ARHGAP15: variants seen among roughly 807,000 people sequenced by gnomAD.
The protein encoded by ARHGAP15 is Rho GTPase activating protein 15.
A neutral mutation model predicts 63.7 loss-of-function variants in ARHGAP15; 51 were observed. The ratio of observed to expected loss-of-function variants is 0.80; its 90% CI spans 0.64 to 1.01. The LOEUF is 1.01. Among genes scored for constraint, ARHGAP15 ranks in the 50% least tolerant of loss-of-function variants. The probability of loss-of-function intolerance (pLI) is 0.00; values close to 1 mark genes in which losing one functional copy is unlikely to be tolerated. For missense variants in ARHGAP15, 560 were observed against 564.6 expected (o/e 0.99, Z 0.08); for synonymous variants, 191 against 193.8 (o/e 0.99, Z 0.12).
At chr2:143,336,554 C>G (rs911811170) in intron 6 of ARHGAP15, among the ~76,000 whole-genome samples, 13 of 115,192 alleles carry the variant, frequency 1.1e-4, no homozygotes, top group Non-Finnish European at 2.1e-4. Flanking sequence ...GAATCCTTTG[C>G]CCATGGATTC....
At chr2:143,248,136 G>A (rs1399437052) in intron 5 of ARHGAP15, among the ~76,000 whole-genome samples, 1 of 152,132 alleles carries the variant, frequency 6.6e-6, no homozygotes, top group Non-Finnish European at 1.5e-5. Flanking sequence ...TAGGAGGAGG[G>A]CTGCAGTGAA....
intron 10 of ARHGAP15, among the ~76,000 whole-genome samples, chr2:143,537,561 T>G (rs1266928125): frequency 6.6e-6 from 1 of 152,232 alleles, no homozygotes; most frequent in Non-Finnish European, 1.5e-5. Flanking sequence ...TTGTATAAAG[T>G]GTAAGGAGGG....
At chr2:143,388,955 T>C (rs1243492536) in intron 6 of ARHGAP15, among the ~76,000 whole-genome samples, 4 of 151,896 alleles carry the variant, frequency 2.6e-5, no homozygotes, top group Non-Finnish European at 5.9e-5. Context: ...TAATTTTTTT[T>C]TAATTTGGTA....
In ARHGAP15 at chr2:143,404,205, A is replaced by G. The variant is rs146756462; in HGVS notation, c.475-31396A>G. Among the ~76,000 whole-genome samples the G allele has an allele frequency of 2.0e-3, 302 of 152,020 alleles. 2 individuals are homozygous for G. The highest frequency in any genetic ancestry group is 7.0e-3 in the African/African-American group (291 of 41,542). Reference sequence around the variant, plus strand: ...CTGAACCTTGAAGGACAAGGGAAACATAAGTGATCATATACTGCAGGCAAA... The same window carrying G: ...CTGAACCTTGAAGGACAAGGGAAACGTAAGTGATCATATACTGCAGGCAAA... On this transcript the variant is annotated intron_variant, in intron 6 of 13. Coordinates refer to ENST00000295095, the MANE Select transcript of ARHGAP15 (RefSeq NM_018460.4).
At chr2:143,320,360 A>C (rs1376199659) in intron 6 of ARHGAP15, among the ~76,000 whole-genome samples, 1 of 144,240 alleles carries the variant, frequency 6.9e-6, no homozygotes, top group Non-Finnish European at 1.5e-5. Flanking sequence ...CGCAATGGGA[A>C]TATTCACAGT....
At position 143,445,982 on chromosome 2, in the gene ARHGAP15, AGCCC is replaced by A. The variant is rs1574461024; in HGVS notation, c.703+8941_703+8944del. Among the ~76,000 whole-genome samples, 5 of 152,126 alleles carry A rather than the reference AGCCC, an allele frequency of 3.3e-5. No individual in the cohort carries two copies. In the East Asian group the frequency reaches 9.6e-4, roughly 29 times the overall value. On this transcript the variant is annotated intron_variant, in intron 8 of 13. Transcript: ENST00000295095. ...TTAACACAAAAGTTATCAAAGTGTT[AGCCC>A]TCAGAACCCTGTTCAAAAGGTTGTA...
At chr2:143,133,759 A>G (rs1486130021) in intron 1 of ARHGAP15, among the ~76,000 whole-genome samples, 1 of 152,056 alleles carries the variant, frequency 6.6e-6, no homozygotes, top group Non-Finnish European at 1.5e-5. Context: ...ATTTCTATCT[A>G]TCCCATTTAT....
intron 6 of ARHGAP15, among the ~76,000 whole-genome samples, chr2:143,403,703 G>A: frequency 6.6e-6 from 1 of 151,978 alleles, no homozygotes; most frequent in South Asian, 2.1e-4. Context: ...GCAGTCAAGG[G>A]AAGAGTGCAT....
intron 6 of ARHGAP15, among the ~76,000 whole-genome samples, chr2:143,373,743 A>G (rs1686681157): frequency 6.6e-6 from 1 of 152,028 alleles, no homozygotes; most frequent in East Asian, 1.9e-4. Flanking sequence ...GTCTCAGAGA[A>G]GCACATCAAA....
chr2:143,287,132 C>T lies in ARHGAP15; in HGVS notation c.474+36532C>T, dbSNP rs144766717. Among the ~76,000 whole-genome samples, 1,022 of 152,124 alleles carry T rather than the reference C, an allele frequency of 6.7e-3. 5 individuals carry two copies. Among genetic ancestry groups the T allele is most frequent in the Middle Eastern group, 0.037 (11 of 294 alleles). ...GTATAATTCTGTTTCTGTTTCTTGG[C>T]GTAAACTTATTCCATATATATTCAT... On this transcript the variant is annotated intron_variant, in intron 6 of 13. Transcript: ENST00000295095.
At chr2:143,266,297 T>C (rs1200205807) in intron 6 of ARHGAP15, among the ~76,000 whole-genome samples, 1 of 152,120 alleles carries the variant, frequency 6.6e-6, no homozygotes, top group African/African-American at 2.4e-5. Context: ...CAAAATTAAT[T>C]TTTTCAATAT....
intron 1 of ARHGAP15, among the ~76,000 whole-genome samples, chr2:143,141,812 G>A (rs1018323737): frequency 5.9e-5 from 9 of 152,074 alleles, no homozygotes; most frequent in Non-Finnish European, 7.4e-5. Flanking sequence ...TTAATAGGCA[G>A]CACAATCACC....
chr2:143,307,368 G>T (rs759052917), intron 6 of ARHGAP15, among the ~76,000 whole-genome samples: 2 of 152,050 alleles, frequency 1.3e-5, no homozygotes, highest in Non-Finnish European at 2.9e-5. Flanking sequence ...TATGCCAAGG[G>T]GTTATAATTT....
intron 12 of ARHGAP15, among the ~76,000 whole-genome samples, chr2:143,685,231 T>C (rs1683279335): frequency 6.6e-6 from 1 of 152,054 alleles, no homozygotes; most frequent in African/African-American, 2.4e-5. Flanking sequence ...TTGAAGTAAG[T>C]TTTAATTAGA....
rs567528598 is a variant in ARHGAP15 at position 143,141,435 on chromosome 2, G to A, written c.-15+11969G>A. Among the ~76,000 whole-genome samples, 6 of 152,146 alleles carry A rather than the reference G, an allele frequency of 3.9e-5. No individual in the cohort carries two copies. In the East Asian group the frequency reaches 7.7e-4, roughly 20 times the overall value. The stretch of plus-strand genomic sequence containing the variant: ...GACAAATACAGTGTCTGACTTTAAG[G>A]AGCCCACAGTCAATTTGGGCAGAAG... On this transcript the variant is annotated intron_variant, in intron 1 of 13. Transcript: ENST00000295095.
intron 12 of ARHGAP15, among the ~76,000 whole-genome samples, chr2:143,632,282 T>C (rs927762378): frequency 1.3e-5 from 2 of 152,092 alleles, no homozygotes; most frequent in African/African-American, 4.8e-5. Context: ...CCATCACTTT[T>C]GGTGTTTTTT....
At chr2:143,617,475 C>T (rs1166250787) in intron 11 of ARHGAP15, among the ~76,000 whole-genome samples, 1 of 152,172 alleles carries the variant, frequency 6.6e-6, no homozygotes, top group Non-Finnish European at 1.5e-5. Flanking sequence ...TATAGGCAGT[C>T]AATTTCCTCC....
rs1558779622 is a variant in ARHGAP15 at position 143,153,843 on chromosome 2, T to TCTTCCTCCTCC, written c.-14-1634_-14-1633insCTTCCTCCTCC. 8.0e-3 allele frequency among the ~76,000 whole-genome samples: 693 copies of TCTTCCTCCTCC among 86,834 alleles called. 38 individuals carry two copies. Among genetic ancestry groups the TCTTCCTCCTCC allele is most frequent in the East Asian group, 0.017 (41 of 2,388 alleles). The allele number at this position is 86,834 out of a possible 152,430, so 57.0% of individuals were successfully genotyped here. Reference sequence around the variant, plus strand: ...CTTCTTCTTCTTCTTCTTCTTCTTCTTCCTCCTCCTCCTCCTCCTCCTCCT... The same window carrying TCTTCCTCCTCC: ...CTTCTTCTTCTTCTTCTTCTTCTTCTCTTCCTCCTCCTCCTCCTCCTCCTCCTCCTCCTCCT... On this transcript the variant is annotated intron_variant, in intron 1 of 13. Transcript: ENST00000295095.
At position 143,737,761 on chromosome 2, in the gene ARHGAP15, T is replaced by TATTTA. The variant is rs1685806598; in HGVS notation, c.1245-30227_1245-30223dup. 2.1e-5 allele frequency among the ~76,000 whole-genome samples: 3 copies of TATTTA among 144,322 alleles called. No homozygotes were observed. The South Asian group carries it at 6.5e-4, about 31-fold the overall frequency. 94.7% of individuals were successfully genotyped at this position (144,322 alleles called of 152,430 possible). A position where few individuals can be genotyped will look rare whatever the true frequency, so the allele number is the denominator to read the frequency against. On this transcript the variant is annotated intron_variant, in intron 13 of 13. Coordinates refer to ENST00000295095, the MANE Select transcript of ARHGAP15 (RefSeq NM_018460.4). The stretch of plus-strand genomic sequence containing the variant: ...TTATTTATTTATTTATTTATTTATT[T>TATTTA]ATTTATTTTTTGAGATGGAGTTTTC...
Sources: allele counts gnomAD v4.1 joint callset (sites outside exome capture counted in the v4.1 genomes callset), GRCh38; gene constraint gnomAD v4.1.1; transcripts MANE v1.5; gene names NCBI Gene and HGNC (gene_info 2026-07-23, HGNC 2026-07-21).